The following LRP2BP variants were observed in gnomAD, a reference collection of about 807,000 sequenced individuals.
The protein encoded by LRP2BP is LRP2-binding protein.
LRP2BP carries 38 observed loss-of-function variants against 45.2 expected under a neutral mutation model. The ratio of observed to expected loss-of-function variants is 0.84; its 90% CI spans 0.65 to 1.10. The LOEUF (loss-of-function observed/expected upper bound fraction) is 1.10, where lower values mean the gene tolerates loss of function less well. Ranked by LOEUF, LRP2BP falls within the 50% of genes least tolerant of loss-of-function variation. The pLI is 0.00. For synonymous variants in LRP2BP, 153 were observed against 153.9 expected (o/e 0.99, Z 0.04); for missense variants, 385 against 418.9 (o/e 0.92, Z 0.71).
rs771768177 is a variant in LRP2BP, at chr4:185,367,243, A to G, written c.981T>C (p.Ala327=). The G allele has an allele frequency of 3.7e-6, 6 of 1,611,746 alleles. No individual in the cohort carries two copies. The highest frequency in any genetic ancestry group is 3.3e-5 in the Admixed American group (2 of 59,888). Residue 327 remains alanine, a splice_region_variant and synonymous_variant, in exon 9 of 9, where the codon GCT becomes GCC. Transcript: ENST00000505916. ...ETTAKHYYSK[A]CRLNPALADE... Reference sequence around the variant, plus strand: ...CTGCCAATGCGGGATTCAGACGACAAGCCTTAAAATCAAAAAGAGTCAGAT... The same window carrying G: ...CTGCCAATGCGGGATTCAGACGACAGGCCTTAAAATCAAAAAGAGTCAGAT...
At chr4:185,367,902 G>T (rs192801117) in intron 8 of LRP2BP, among the ~76,000 whole-genome samples, 1 of 152,062 alleles carries the variant, frequency 6.6e-6, no homozygotes, top group African/African-American at 2.4e-5. Context: ...CCTTATGGCC[G>T]GGCGCGGTAG....
intron 1 of LRP2BP, among the ~76,000 whole-genome samples, chr4:185,384,897 C>T (rs1335538247): frequency 1.4e-5 from 2 of 147,036 alleles, no homozygotes; most frequent in East Asian, 2.0e-4. Context: ...TCCCCCTCCC[C>T]GCCCCCCGTC....
intron 1 of LRP2BP, among the ~76,000 whole-genome samples, chr4:185,380,172 T>C (rs911112341): frequency 6.6e-6 from 1 of 151,708 alleles, no homozygotes; most frequent in Non-Finnish European, 1.5e-5. Context: ...ATTTATTGGA[T>C]TGACTAGATA....
rs1420028679 is a variant in LRP2BP, at chr4:185,364,154, A to G, written c.*3026T>C. The stretch of plus-strand genomic sequence containing the variant: ...TCTGTAAAATATATGATTTTTAGTG[A>G]GCAGAAAGAGCCAAATTAGTGCTTG... On this transcript the variant is annotated 3_prime_UTR_variant, in exon 9 of 9. Coordinates refer to ENST00000505916, the MANE Select transcript of LRP2BP (RefSeq NM_001377440.1). 7 of 152,362 alleles carry G rather than the reference A, an allele frequency of 4.6e-5. No homozygotes were observed. Among genetic ancestry groups the G allele is most frequent in the Middle Eastern group, 3.4e-3 (1 of 296 alleles). 9.4% of individuals were successfully genotyped at this position (152,362 alleles called of 1,614,324 possible). A position where few individuals can be genotyped will look rare whatever the true frequency, so the allele number is the denominator to read the frequency against.
intron 1 of LRP2BP, among the ~76,000 whole-genome samples, chr4:185,379,603 A>G (rs149182804): frequency 2.6e-5 from 4 of 152,332 alleles, no homozygotes; most frequent in African/African-American, 9.6e-5. Context: ...AGATTTACTG[A>G]GCTCTTATTA....
chr4:185,378,536 G>A, intron 1 of LRP2BP: 1 of 1,042,660 alleles, frequency 9.6e-7, no homozygotes, highest in Non-Finnish European at 1.2e-6. Flanking sequence ...GTGGGACCTG[G>A]TGACACTGCC....
In LRP2BP at chr4:185,378,154, G is replaced by A; in HGVS notation, c.33C>T (p.Asn11=). ...ACTGAGATACAGAGGCATAAAAGGGGTTCTTGGGCAACTTTTCACTGGTCA... is the reference window on the plus strand; with the variant it reads ...ACTGAGATACAGAGGCATAAAAGGGATTCTTGGGCAACTTTTCACTGGTCA... The part of the protein sequence containing the change: MKLTSEKLPK[N]PFYASVSQYA... Residue 11 remains asparagine (N), a synonymous_variant, in exon 2 of 9, where the codon AAC becomes AAT. Transcript: ENST00000505916. 1 of 1,614,022 alleles carries A rather than the reference G, an allele frequency of 6.2e-7. No individual in the cohort carries two copies. Among genetic ancestry groups the A allele is most frequent in the Non-Finnish European group, 8.5e-7 (1 of 1,179,986 alleles).
chr4:185,368,094 C>T (rs1280460592), intron 8 of LRP2BP, among the ~76,000 whole-genome samples: 1 of 152,250 alleles, frequency 6.6e-6, no homozygotes, highest in Non-Finnish European at 1.5e-5. Context: ...AGGAGAATGG[C>T]GTGAACCTGG....
At position 185,395,852 on chromosome 4, in the gene LRP2BP, G is replaced by A; in HGVS notation, c.-1095C>T. ...ACAGAAGGGAATCACTAAAAATGTA[G>A]GGGAAAAGAAACACTCGGCTGGAGC... On this transcript the variant is annotated 5_prime_UTR_variant, in exon 1 of 9. Coordinates refer to ENST00000505916, the MANE Select transcript of LRP2BP (RefSeq NM_001377440.1). 1.0e-6 allele frequency: 1 copy of A among 985,472 alleles called. No homozygotes were observed. Among genetic ancestry groups the A allele is most frequent in the South Asian group, 4.7e-5 (1 of 21,292 alleles). 61.0% of individuals were successfully genotyped at this position (985,472 alleles called of 1,614,324 possible).
At position 185,371,425 on chromosome 4, in the gene LRP2BP, C is replaced by G. The variant is rs202204193; in HGVS notation, c.804-611G>C. 4.9e-4 allele frequency among the ~76,000 whole-genome samples: 75 copies of G among 151,810 alleles called. 2 individuals carry two copies. In the East Asian group the frequency reaches 0.012, roughly 24 times the overall value. ...GGCATGGTAGCGGGTGCCTGTAGTC[C>G]CAGCTACTCGGGAGGCTGAGGCAGG... On this transcript the variant is annotated intron_variant, in intron 7 of 8. Coordinates refer to ENST00000505916, the MANE Select transcript of LRP2BP (RefSeq NM_001377440.1).
At chr4:185,382,006 G>A (rs2095457257) in intron 1 of LRP2BP, among the ~76,000 whole-genome samples, 1 of 152,106 alleles carries the variant, frequency 6.6e-6, no homozygotes, top group Non-Finnish European at 1.5e-5. Context: ...AAGAAACACT[G>A]TAGCATCGGC....
chr4:185,378,716 A>G (rs960996652), intron 1 of LRP2BP: 26 of 986,132 alleles, frequency 2.6e-5, no homozygotes, highest in Admixed American at 6.1e-5. Context: ...ATGTTATAAG[A>G]TGGATCACAG....
intron 8 of LRP2BP, 118 bp downstream of exon 8, chr4:185,370,520 CAG>C (rs2095411212): frequency 2.0e-6 from 2 of 980,304 alleles, no homozygotes; most frequent in Non-Finnish European, 3.0e-6. Context: ...TCTCTGTAGA[CAG>C]AGGTTATCTG....
At chr4:185,380,185 T>C (rs1040739527) in intron 1 of LRP2BP, among the ~76,000 whole-genome samples, 3 of 150,798 alleles carry the variant, frequency 2.0e-5, no homozygotes, top group Admixed American at 6.6e-5. Flanking sequence ...ACTAGATATT[T>C]ATTATGTTTT....
chr4:185,377,304 A>G, intron 2 of LRP2BP: 1 of 319,578 alleles, frequency 3.1e-6, no homozygotes, highest in East Asian at 6.1e-5. Flanking sequence ...GGATCACCTG[A>G]GTTTGGGAGT....
chr4:185,368,800 T>TG (rs1259310758), intron 8 of LRP2BP, among the ~76,000 whole-genome samples: 4 of 148,642 alleles, frequency 2.7e-5, no homozygotes, highest in Non-Finnish European at 4.4e-5. Flanking sequence ...GTTTTGTTTT[T>TG]TTTTTTTTTT....
chr4:185,368,918 C>T (rs998871916), intron 8 of LRP2BP, among the ~76,000 whole-genome samples: 6 of 151,702 alleles, frequency 4.0e-5, no homozygotes, highest in African/African-American at 1.5e-4. Context: ...CTCAGCCTCC[C>T]GAGTAGCTGG....
intron 8 of LRP2BP, among the ~76,000 whole-genome samples, chr4:185,368,794 T>C (rs981355961): frequency 2.8e-5 from 4 of 142,274 alleles, no homozygotes; most frequent in African/African-American, 1.2e-4. Flanking sequence ...GAATCTGTTT[T>C]GTTTTTTTTT....
intron 1 of LRP2BP, among the ~76,000 whole-genome samples, chr4:185,391,916 C>A (rs151254310): frequency 6.6e-6 from 1 of 152,316 alleles, no homozygotes; most frequent in South Asian, 2.1e-4. Context: ...TGTATACACA[C>A]ACACCTATAA....
Sources: gnomAD v4.1 joint callset for allele counts (sites outside exome capture counted in the v4.1 genomes callset) on GRCh38, gnomAD v4.1.1 for gene constraint, MANE v1.5 for transcripts, NCBI Gene and HGNC (gene_info 2026-07-23, HGNC 2026-07-21) for gene names.